Variants in ANTXR1 observed in about 807,000 individuals in gnomAD.
ANTXR1 encodes the protein ANTXR cell adhesion molecule 1, also known as anthrax toxin receptor 1.
In ANTXR1, 19 loss-of-function variants were observed where a neutral mutation model predicts 78.1. The observed-to-expected ratio is 0.24, with a 90% CI of 0.17 to 0.36. The LOEUF (loss-of-function observed/expected upper bound fraction) is 0.36. Ranked by LOEUF, ANTXR1 falls within the 10% of genes least tolerant of loss-of-function variation. ANTXR1 has a pLI of 1.00. For missense variants in ANTXR1, 518 were observed against 718.6 expected, an observed-to-expected ratio of 0.72 and a Z score of 3.19; for synonymous variants, 273 against 260.5, an observed-to-expected ratio of 1.05 and a Z score of -0.46.
intron 10 of ANTXR1, among the ~76,000 whole-genome samples, chr2:69,109,480 A>G (rs1671912113): frequency 6.6e-6 from 1 of 152,230 alleles, no homozygotes. Context: ...CAGTAATTGG[A>G]ACAATGTATG....
At chr2:69,111,048 T>C (rs1353578564) in intron 10 of ANTXR1, among the ~76,000 whole-genome samples, 1 of 152,248 alleles carries the variant, frequency 6.6e-6, no homozygotes, top group Admixed American at 6.5e-5. Flanking sequence ...TCTGGGATCA[T>C]ATGTCCCTGA....
At chr2:69,082,683 C>T (rs1210311964) in intron 8 of ANTXR1, among the ~76,000 whole-genome samples, 3 of 152,024 alleles carry the variant, frequency 2.0e-5, no homozygotes, top group Non-Finnish European at 4.4e-5. Flanking sequence ...GCCTGGTTAC[C>T]GTGATGCCAG....
At position 69,152,247 on chromosome 2, in the gene ANTXR1, C is replaced by T. The variant is rs1459161935; in HGVS notation, c.1030C>T (p.Pro344Ser). The T allele has an allele frequency of 6.2e-7, 1 of 1,614,148 alleles. No individual in the cohort carries two copies. The change falls in exon 13 of 18, where the codon CCC becomes TCC. Residue 344 changes from proline (P) to serine (S), a missense_variant. Around this residue, in one of 5 missense-constraint regions of ANTXR1, gnomAD observed 264 missense variants for 391.8 expected, o/e 0.67. Coordinates refer to ENST00000303714, the MANE Select transcript of ANTXR1 (RefSeq NM_032208.3). ...LALALLWWFW[P>S]LCCTVIIKEV... ...CCTGGCTCTCCTCTGGTGGTTCTGG[C>T]CCCTCTGCTGCACTGTGGTAAGTGC...
At chr2:69,234,677 C>G (rs555940805) in intron 17 of ANTXR1, among the ~76,000 whole-genome samples, 1 of 152,020 alleles carries the variant, frequency 6.6e-6, no homozygotes, top group Non-Finnish European at 1.5e-5. Flanking sequence ...GCAGGAGAAT[C>G]GCTTGAACCT....
chr2:69,093,561 A>T (rs1372068575), intron 9 of ANTXR1, among the ~76,000 whole-genome samples: 1 of 152,244 alleles, frequency 6.6e-6, no homozygotes, highest in Non-Finnish European at 1.5e-5. Flanking sequence ...AATGTTTCTC[A>T]TCAAGTGAAA....
chr2:69,153,645 T>C (rs1673455215), intron 13 of ANTXR1, among the ~76,000 whole-genome samples: 1 of 152,170 alleles, frequency 6.6e-6, no homozygotes, highest in South Asian at 2.1e-4. Flanking sequence ...TCCTCATGAG[T>C]CAGCCCAAGT....
At chr2:69,014,560 A>G (rs1234236387) in intron 1 of ANTXR1, among the ~76,000 whole-genome samples, 1 of 152,124 alleles carries the variant, frequency 6.6e-6, no homozygotes, top group East Asian at 1.9e-4. Flanking sequence ...AAATCCGCAT[A>G]AGTTTGCCAA....
intron 6 of ANTXR1, among the ~76,000 whole-genome samples, chr2:69,074,338 A>G (rs991510050): frequency 1.8e-4 from 28 of 152,324 alleles, no homozygotes; most frequent in African/African-American, 6.7e-4. Flanking sequence ...TTGGGTGCCA[A>G]ATAACAGTCA....
At chr2:69,215,623 C>T (rs1227243154) in intron 17 of ANTXR1, among the ~76,000 whole-genome samples, 1 of 152,332 alleles carries the variant, frequency 6.6e-6, no homozygotes, top group South Asian at 2.1e-4. Context: ...GTCCCCTCCT[C>T]AGCCTGCAAG....
chr2:69,122,577 G>C lies in ANTXR1; in HGVS notation c.803-440G>C, dbSNP rs1672382921. ...TGCTAATGGGTTTTACAGCTCAAGA[G>C]TTTTGTTTTTGTTTTTGTTTTTTTA... On this transcript the variant is annotated intron_variant, in intron 10 of 17. Transcript: ENST00000303714. 2.0e-5 allele frequency among the ~76,000 whole-genome samples: 3 copies of C among 151,258 alleles called. No homozygotes were observed. In the South Asian group the frequency reaches 6.2e-4, roughly 31 times the overall value.
At chr2:69,041,835 C>T (rs1558739292) in intron 2 of ANTXR1, among the ~76,000 whole-genome samples, 1 of 152,158 alleles carries the variant, frequency 6.6e-6, no homozygotes. Flanking sequence ...GTTGACATGG[C>T]TTAATCCAGA....
chr2:69,021,706 G>C (rs1403654460), intron 1 of ANTXR1, among the ~76,000 whole-genome samples: 12 of 152,222 alleles, frequency 7.9e-5, no homozygotes, highest in Admixed American at 7.2e-4. Context: ...AGATGGAAGG[G>C]AAAGCCAGAT....
Position 69,208,949 on chromosome 2 carries a change from C to T in ANTXR1, c.1434+15534C>T, listed in dbSNP as rs2104495352. ...TGGCATCCCATTCTCTTAACCCAGG[C>T]TGGAGTGCAGTGTCACTATCACAGC... On this transcript the variant is annotated intron_variant, in intron 17 of 17. Transcript: ENST00000303714. Among the ~76,000 whole-genome samples the T allele has an allele frequency of 1.3e-5, 2 of 152,320 alleles. 1 individual carries two copies. Among genetic ancestry groups the T allele is most frequent in the African/African-American group, 4.8e-5 (2 of 41,562 alleles).
intron 10 of ANTXR1, among the ~76,000 whole-genome samples, chr2:69,113,248 G>A (rs1672045323): frequency 6.6e-6 from 1 of 152,084 alleles, no homozygotes; most frequent in Non-Finnish European, 1.5e-5. Flanking sequence ...TGCACCCCAT[G>A]GCTCAGTTTT....
chr2:69,150,862 C>CA (rs951396526), intron 12 of ANTXR1, among the ~76,000 whole-genome samples: 19 of 149,716 alleles, frequency 1.3e-4, no homozygotes, highest in East Asian at 5.8e-4. Flanking sequence ...CTACAAAAAA[C>CA]AAAAAAAAAT....
intron 15 of ANTXR1, among the ~76,000 whole-genome samples, 173 bp from the exon 16 acceptor site, chr2:69,182,320 G>A (rs956719070): frequency 6.6e-6 from 1 of 152,072 alleles, no homozygotes; most frequent in South Asian, 2.1e-4. Flanking sequence ...CTGCTCCTTT[G>A]GTCCTCCCCT....
rs143049815 is a variant in ANTXR1, at chr2:69,132,035, C to T, written c.951+7392C>T. On this transcript the variant is annotated intron_variant, in intron 12 of 17. Coordinates refer to ENST00000303714, the MANE Select transcript of ANTXR1 (RefSeq NM_032208.3). ...TAACTGGATCAAGATTCTGGGCAGGCCTCTAGTCTGTGAGGATCTGCAGCA... is the reference window on the plus strand; with the variant it reads ...TAACTGGATCAAGATTCTGGGCAGGTCTCTAGTCTGTGAGGATCTGCAGCA... Among the ~76,000 whole-genome samples, 496 of 152,252 alleles carry T rather than the reference C, an allele frequency of 3.3e-3. 4 individuals are homozygous for T. The highest frequency in any genetic ancestry group is 0.011 in the African/African-American group (465 of 41,530).
intron 12 of ANTXR1, among the ~76,000 whole-genome samples, chr2:69,151,419 C>T (rs540545281): frequency 6.6e-6 from 1 of 152,166 alleles, no homozygotes; most frequent in Admixed American, 6.5e-5. Context: ...TCCTAAGCAG[C>T]TTCCTTGAAC....
intron 1 of ANTXR1, among the ~76,000 whole-genome samples, chr2:69,029,494 T>C (rs192610569): frequency 2.0e-5 from 3 of 151,788 alleles, no homozygotes; most frequent in East Asian, 1.9e-4. Context: ...TTAAATGGTC[T>C]ACAACTTGTA....
Sources: gnomAD v4.1 joint callset for allele counts (sites outside exome capture counted in the v4.1 genomes callset) on GRCh38, gnomAD v4.1.1 for gene constraint, gnomAD v4.1.1 regional missense constraint, MANE v1.5 for transcripts, NCBI Gene and HGNC (gene_info 2026-07-23, HGNC 2026-07-21) for gene names.